The following RAB14 variants were observed in gnomAD, a reference collection of about 807,000 sequenced individuals.
The protein encoded by RAB14 is RAB14, member RAS oncogene family, also known as ras-related protein Rab-14.
A neutral mutation model predicts 31.1 loss-of-function variants in RAB14; 3 were observed. The ratio of observed to expected loss-of-function variants is 0.10; its 90% CI spans 0.04 to 0.25. The LOEUF (loss-of-function observed/expected upper bound fraction) is 0.25, where lower values mean the gene tolerates loss of function less well. RAB14 is among the 10% of genes least tolerant of loss of function. The pLI is 1.00. For synonymous variants in RAB14, 85 were observed against 84.9 expected (o/e 1.00, Z 0.00); for missense variants, 111 against 260.1 (o/e 0.43, Z 3.94).
At chr9:121,191,577 C>T (rs539806570) in intron 3 of RAB14, among the ~76,000 whole-genome samples, 126 of 152,246 alleles carry the variant, frequency 8.3e-4, no homozygotes, top group Admixed American at 3.9e-4. Flanking sequence ...TTAGTCCTTT[C>T]CTTATAATGA....
chr9:121,200,837 G>A (rs1367917605), intron 1 of RAB14, among the ~76,000 whole-genome samples: 1 of 152,152 alleles, frequency 6.6e-6, no homozygotes, highest in African/African-American at 2.4e-5. Context: ...GGGCTACGCG[G>A]GGCAAGATAA....
At position 121,179,548 on chromosome 9, in the gene RAB14, T is replaced by C. The variant is rs758040574; in HGVS notation, c.*1848A>G. 6 of 152,656 alleles carry C rather than the reference T, an allele frequency of 3.9e-5. No individual in the cohort carries two copies. The highest frequency in any genetic ancestry group is 7.3e-5 in the Non-Finnish European group (5 of 68,038). The allele number at this position is 152,656 out of a possible 1,614,324, so 9.5% of individuals were successfully genotyped here. A position where few individuals can be genotyped will look rare whatever the true frequency, so the allele number is the denominator to read the frequency against. The stretch of plus-strand genomic sequence containing the variant: ...AATATACACACACACCAGCAGGTCA[T>C]GGTCCCTGGGTGAGTCCCTTGTGAT... On this transcript the variant is annotated 3_prime_UTR_variant, in exon 8 of 8. Transcript: ENST00000373840.
intron 4 of RAB14, among the ~76,000 whole-genome samples, chr9:121,189,914 C>T (rs1032919136): frequency 2.2e-4 from 34 of 152,194 alleles, no homozygotes; most frequent in African/African-American, 7.9e-4. Context: ...AATCAAGTGG[C>T]ACAGTTTTCC....
chr9:121,179,857 G>A lies in RAB14; in HGVS notation c.*1539C>T, dbSNP rs1264038623. 1 of 152,574 alleles carries A rather than the reference G, an allele frequency of 6.6e-6. No homozygotes were observed. Among genetic ancestry groups the A allele is most frequent in the Non-Finnish European group, 1.5e-5 (1 of 68,020 alleles). The allele number at this position is 152,574 out of a possible 1,614,324, so 9.5% of individuals were successfully genotyped here. A position where few individuals can be genotyped will look rare whatever the true frequency, so the allele number is the denominator to read the frequency against. On this transcript the variant is annotated 3_prime_UTR_variant, in exon 8 of 8. Transcript: ENST00000373840. Reference sequence around the variant, plus strand: ...GTATTTTAAACACAGCAGTTGAGCTGAGTGCATTTTCTATAGTACGCTGAG... The same window carrying A: ...GTATTTTAAACACAGCAGTTGAGCTAAGTGCATTTTCTATAGTACGCTGAG...
At chr9:121,200,560 G>A (rs184126489) in intron 1 of RAB14, among the ~76,000 whole-genome samples, 5 of 152,330 alleles carry the variant, frequency 3.3e-5, no homozygotes, top group Admixed American at 3.3e-4. Flanking sequence ...GGATTTGCCA[G>A]TGTAGTGGTT....
At chr9:121,201,093 G>A (rs1362262297) in intron 1 of RAB14, among the ~76,000 whole-genome samples, 3 of 152,078 alleles carry the variant, frequency 2.0e-5, no homozygotes, top group Non-Finnish European at 4.4e-5. Flanking sequence ...GCAGGGCCGG[G>A]CTCCCCACAT....
intron 1 of RAB14, among the ~76,000 whole-genome samples, chr9:121,200,861 T>C (rs983206413): frequency 3.3e-5 from 5 of 152,138 alleles, no homozygotes; most frequent in African/African-American, 4.8e-5. Context: ...GGTACAAAAA[T>C]ACATAAATAT....
chr9:121,187,641 G>A (rs559450530), intron 4 of RAB14, among the ~76,000 whole-genome samples: 1 of 152,032 alleles, frequency 6.6e-6, no homozygotes, highest in African/African-American at 2.4e-5. Flanking sequence ...TTATCTATCA[G>A]GCAGCTAAAT....
In RAB14 at chr9:121,193,427, C is replaced by T; in HGVS notation, c.-7-8G>A. 1 of 1,556,540 alleles carries T rather than the reference C, an allele frequency of 6.4e-7. No homozygotes were observed. The highest frequency in any genetic ancestry group is 2.3e-5 in the East Asian group (1 of 42,694). Reference sequence around the variant, plus strand: ...GCAGTTGCCATGGTGGCACTAAAAACAAAGAAATCTCTGTTACTTCAGAAG... The same window carrying T: ...GCAGTTGCCATGGTGGCACTAAAAATAAAGAAATCTCTGTTACTTCAGAAG... On this transcript the variant is annotated splice_polypyrimidine_tract_variant and splice_region_variant and intron_variant, in intron 1 of 7. Transcript: ENST00000373840.
intron 3 of RAB14, 83 bp from the exon 4 acceptor site, chr9:121,190,814 C>T: frequency 7.4e-7 from 1 of 1,347,060 alleles, no homozygotes; most frequent in Non-Finnish European, 1.0e-6. Context: ...ACTAAATAAG[C>T]AAATGGCTTA....
intron 4 of RAB14, among the ~76,000 whole-genome samples, chr9:121,188,541 A>T (rs1293672236): frequency 6.7e-6 from 1 of 149,390 alleles, no homozygotes; most frequent in African/African-American, 2.4e-5. Context: ...TACTAGTACT[A>T]AAAAAAAAGT....
chr9:121,200,319 A>G lies in RAB14; in HGVS notation c.-8+1320T>C, dbSNP rs140060949. Among the ~76,000 whole-genome samples the G allele has an allele frequency of 1.2e-4, 19 of 152,366 alleles. No homozygotes were observed. In the East Asian group the frequency reaches 3.3e-3, roughly 26 times the overall value. On this transcript the variant is annotated intron_variant, in intron 1 of 7. Coordinates refer to ENST00000373840, the MANE Select transcript of RAB14 (RefSeq NM_016322.4). ...AAGTTTGTCTTCAACAATCAAATCT[A>G]AATAAAAGGCAGTTGTTCCTCTACA...
At chr9:121,190,129 T>G (rs1321912060) in intron 4 of RAB14, among the ~76,000 whole-genome samples, 1 of 152,146 alleles carries the variant, frequency 6.6e-6, no homozygotes, top group Non-Finnish European at 1.5e-5. Context: ...TTTTTTATAA[T>G]CTACCATGCT....
chr9:121,189,681 G>C (rs2053676297), intron 4 of RAB14, among the ~76,000 whole-genome samples: 1 of 152,028 alleles, frequency 6.6e-6, no homozygotes, highest in Non-Finnish European at 1.5e-5. Context: ...GAACTTCCCA[G>C]AGTCTTAATA....
chr9:121,192,765 T>C (rs1408552992), intron 2 of RAB14, among the ~76,000 whole-genome samples: 4 of 152,090 alleles, frequency 2.6e-5, no homozygotes, highest in African/African-American at 9.7e-5. Context: ...TGTTAACCCT[T>C]GATGAAGGAA....
Position 121,180,870 on chromosome 9 carries a change from G to A in RAB14, c.*526C>T, listed in dbSNP as rs760108312. On this transcript the variant is annotated 3_prime_UTR_variant, in exon 8 of 8. Transcript: ENST00000373840. The stretch of plus-strand genomic sequence containing the variant: ...TGAGGCTAAGACAGAAGCAAATCTC[G>A]TTAAGAAAAATGCCACCCACACAAC... 6.6e-6 allele frequency: 1 copy of A among 152,620 alleles called. No homozygotes were observed. The highest frequency in any genetic ancestry group is 1.9e-4 in the East Asian group (1 of 5,204). The allele number at this position is 152,620 out of a possible 1,614,324, so 9.5% of individuals were successfully genotyped here. A position where few individuals can be genotyped will look rare whatever the true frequency, so the allele number is the denominator to read the frequency against.
chr9:121,183,236 AC>A, intron 6 of RAB14, 74 bp downstream of exon 6: 1 of 1,291,382 alleles, frequency 7.7e-7, no homozygotes, highest in Non-Finnish European at 1.1e-6. Flanking sequence ...GCAAAAAAAA[AC>A]CAACAAAACT....
chr9:121,198,779 C>A (rs1047301765), intron 1 of RAB14, among the ~76,000 whole-genome samples: 1 of 152,164 alleles, frequency 6.6e-6, no homozygotes, highest in Non-Finnish European at 1.5e-5. Flanking sequence ...AACTCAACAA[C>A]AGAAGCATGC....
chr9:121,183,546 C>A, intron 5 of RAB14, 148 bp from the exon 6 acceptor site: 2 of 624,880 alleles, frequency 3.2e-6, no homozygotes, highest in Non-Finnish European at 5.6e-6. Context: ...CTAGACAGGG[C>A]TACAGATTCA....
Sources: gnomAD v4.1 joint callset for allele counts (sites outside exome capture counted in the v4.1 genomes callset) on GRCh38, gnomAD v4.1.1 for gene constraint, MANE v1.5 for transcripts, NCBI Gene and HGNC (gene_info 2026-07-23, HGNC 2026-07-21) for gene names.